PCDHGA9: variants seen among roughly 807,000 people sequenced by gnomAD.
The protein encoded by PCDHGA9 is protocadherin gamma subfamily A, 9, also known as protocadherin gamma-A9.
In PCDHGA9, 37 loss-of-function variants were observed where a neutral mutation model predicts 62.5. The observed-to-expected ratio is 0.59, with a 90% CI of 0.46 to 0.78. The LOEUF is 0.78. Among genes scored for constraint, PCDHGA9 ranks in the 30% least tolerant of loss-of-function variants. The pLI, the probability that PCDHGA9 is intolerant of heterozygous loss-of-function variation, is 0.00. For synonymous variants in PCDHGA9, 459 were observed against 484.6 expected, an observed-to-expected ratio of 0.95 and a Z score of 0.69; for missense variants, 1,138 against 1,166.2, an observed-to-expected ratio of 0.98 and a Z score of 0.35.
Position 141,489,068 on chromosome 5 carries a change from G to GC in PCDHGA9, c.2425-5736dup. ...CTCAAATTCAGCTCCCCTCCCCCCT[G>GC]CCCACCCCCGCCACTCGGTGACTAA... On this transcript the variant is annotated intron_variant, in intron 1 of 3. Transcript: ENST00000573521. The surrounding 1 kb of genome is among the most constrained non-coding windows in gnomAD (Gnocchi z 4.5). 3 of 291,558 alleles carry GC rather than the reference G, an allele frequency of 1.0e-5. No homozygotes were observed. Among genetic ancestry groups the GC allele is most frequent in the Admixed American group, 5.4e-5 (1 of 18,530 alleles). 18.1% of individuals were successfully genotyped at this position (291,558 alleles called of 1,614,324 possible).
In PCDHGA9 at chr5:141,408,993, T is replaced by G. The variant is rs1258002192; in HGVS notation, c.2424+3617T>G. The G allele has an allele frequency of 1.2e-6, 2 of 1,613,814 alleles. No homozygotes were observed. The highest frequency in any genetic ancestry group is 2.7e-5 in the African/African-American group (2 of 74,912). On this transcript the variant is annotated intron_variant, in intron 1 of 3. Transcript: ENST00000573521. Reference sequence around the variant, plus strand: ...CCCCCTGGGTCCCCTGTGTTGCAAGTGACAGCCACTGACCAGGATGAGGGG... The same window carrying G: ...CCCCCTGGGTCCCCTGTGTTGCAAGGGACAGCCACTGACCAGGATGAGGGG...
chr5:141,484,219 C>T (rs766309865), intron 1 of PCDHGA9, among the ~76,000 whole-genome samples: 1 of 152,162 alleles, frequency 6.6e-6, no homozygotes, highest in Non-Finnish European at 1.5e-5. Context: ...TAGCATTCTG[C>T]CAGGTAAAGA....
chr5:141,413,390 C>G, intron 1 of PCDHGA9: 1 of 1,614,010 alleles, frequency 6.2e-7, no homozygotes, highest in Non-Finnish European at 8.5e-7. Context: ...CGCATAGTCT[C>G]CAGAGGTAGG....
Position 141,491,900 on chromosome 5 carries a change from G to A in PCDHGA9, c.2425-2907G>A, listed in dbSNP as rs1268804496. 7.0e-7 allele frequency: 1 copy of A among 1,429,818 alleles called. No individual in the cohort carries two copies. Among genetic ancestry groups the A allele is most frequent in the East Asian group, 2.5e-5 (1 of 39,444 alleles). The allele number at this position is 1,429,818 out of a possible 1,614,324, so 88.6% of individuals were successfully genotyped here. A position where few individuals can be genotyped will look rare whatever the true frequency, so the allele number is the denominator to read the frequency against. ...TAAGGGATGGGGCTCCGAGCACCGGGGGTGGTGGCGACTGTGGGCGAGGGG... is the reference window on the plus strand; with the variant it reads ...TAAGGGATGGGGCTCCGAGCACCGGAGGTGGTGGCGACTGTGGGCGAGGGG... On this transcript the variant is annotated intron_variant, in intron 1 of 3. Coordinates refer to ENST00000573521, the MANE Select transcript of PCDHGA9 (RefSeq NM_018921.3). This position sits in a 1 kb window ranked among gnomAD's most constrained non-coding sequence, Gnocchi z 6.9.
chr5:141,501,288 T>TACAC (rs1562199973), intron 2 of PCDHGA9, among the ~76,000 whole-genome samples: 2 of 81,228 alleles, frequency 2.5e-5, no homozygotes, highest in Admixed American at 1.6e-4. Flanking sequence ...GATATTCCCT[T>TACAC]ATACACACAC....
At chr5:141,418,136 G>C (rs1218707482) in intron 1 of PCDHGA9, 15 of 1,613,984 alleles carry the variant, frequency 9.3e-6, no homozygotes, top group Non-Finnish European at 1.1e-5. Flanking sequence ...AATAGACCGT[G>C]AGCAAATATG....
At chr5:141,418,732 G>A (rs747081573) in intron 1 of PCDHGA9, 1 of 1,613,994 alleles carries the variant, frequency 6.2e-7, no homozygotes, top group Non-Finnish European at 8.5e-7. Flanking sequence ...CTCAGCACGT[G>A]TTCTCTCTGG....
rs2154586748 is a variant in PCDHGA9 at position 141,491,733 on chromosome 5, T to A, written c.2425-3074T>A. The A allele has an allele frequency of 6.2e-7, 1 of 1,602,698 alleles. No individual in the cohort carries two copies. Among genetic ancestry groups the A allele is most frequent in the Non-Finnish European group, 8.5e-7 (1 of 1,175,258 alleles). On this transcript the variant is annotated intron_variant, in intron 1 of 3. Transcript: ENST00000573521. The surrounding 1 kb of genome is among the most constrained non-coding windows in gnomAD (Gnocchi z 6.9). ...GCTCGGCGCCGCCCCGGGCGACCCC[T>A]GGGGGCGGCACTGGAGAAGCCGCCC...
intron 1 of PCDHGA9, among the ~76,000 whole-genome samples, chr5:141,446,448 T>C (rs954515926): frequency 2.6e-5 from 4 of 152,028 alleles, no homozygotes; most frequent in Non-Finnish European, 5.9e-5. Context: ...ACAGTGCAGA[T>C]ATTCAGTGTG....
At chr5:141,435,919 T>C (rs2097786247) in intron 1 of PCDHGA9, among the ~76,000 whole-genome samples, 2 of 152,148 alleles carry the variant, frequency 1.3e-5, no homozygotes, top group South Asian at 4.1e-4. Flanking sequence ...GGCTCTAAAA[T>C]GCGGCAGTTG....
intron 1 of PCDHGA9, among the ~76,000 whole-genome samples, chr5:141,444,885 T>C (rs547403761): frequency 6.6e-6 from 1 of 152,320 alleles, no homozygotes; most frequent in African/African-American, 2.4e-5. Flanking sequence ...TGTAGGATTT[T>C]TGAATGGGAT....
chr5:141,471,394 G>A (rs1349459242), intron 1 of PCDHGA9: 1 of 152,056 alleles, frequency 6.6e-6, no homozygotes, highest in Non-Finnish European at 1.5e-5. Context: ...TACAAGTTAC[G>A]TAGCTAGGCT....
At chr5:141,436,173 A>T (rs556225963) in intron 1 of PCDHGA9, among the ~76,000 whole-genome samples, 1 of 152,302 alleles carries the variant, frequency 6.6e-6, no homozygotes, top group East Asian at 1.9e-4. Context: ...GACAGTTCTC[A>T]TATATAGTCA....
intron 1 of PCDHGA9, among the ~76,000 whole-genome samples, chr5:141,474,263 A>C (rs964712807): frequency 6.6e-6 from 1 of 152,188 alleles, no homozygotes; most frequent in Non-Finnish European, 1.5e-5. Context: ...CTGATAAACC[A>C]GTGTATCTCT....
chr5:141,479,928 C>T (rs1309777916), intron 1 of PCDHGA9, among the ~76,000 whole-genome samples: 1 of 152,222 alleles, frequency 6.6e-6, no homozygotes, highest in African/African-American at 2.4e-5. Flanking sequence ...CTCAGTGCAT[C>T]ATTGCTATCA....
At chr5:141,470,416 A>AT (rs1300623208) in intron 1 of PCDHGA9, among the ~76,000 whole-genome samples, 3 of 152,134 alleles carry the variant, frequency 2.0e-5, no homozygotes, top group African/African-American at 7.2e-5. Flanking sequence ...GATTTTATGT[A>AT]TTTTTTCCTT....
chr5:141,454,356 T>G (rs1461475653), intron 1 of PCDHGA9, among the ~76,000 whole-genome samples: 1 of 152,224 alleles, frequency 6.6e-6, no homozygotes, highest in East Asian at 1.9e-4. Context: ...TGATCCAAAC[T>G]TAGAAAGGAG....
chr5:141,407,958 A>G lies in PCDHGA9; in HGVS notation c.2424+2582A>G, dbSNP rs1018466165. On this transcript the variant is annotated intron_variant, in intron 1 of 3. Transcript: ENST00000573521. ...TGGGCGCCGCTGTCGGCCAGTGCAG[A>G]GCAAGCGCTGACGCCGGGGATCCGT... 5 of 660,632 alleles carry G rather than the reference A, an allele frequency of 7.6e-6. No homozygotes were observed. In the South Asian group the frequency reaches 1.2e-4, roughly 15 times the overall value. 40.9% of individuals were successfully genotyped at this position (660,632 alleles called of 1,614,324 possible).
In PCDHGA9 at chr5:141,482,773, C is replaced by A. The variant is rs2009076; in HGVS notation, c.2425-12034C>A. ...ATTATGGTATTTCATTATCACTGAA[C>A]CTTAAACTGTGTGTGTGGCCGGGTA... On this transcript the variant is annotated intron_variant, in intron 1 of 3. Coordinates refer to ENST00000573521, the MANE Select transcript of PCDHGA9 (RefSeq NM_018921.3). 9.1e-3 allele frequency among the ~76,000 whole-genome samples: 1,158 copies of A among 127,768 alleles called. 29 individuals carry two copies. Among genetic ancestry groups the A allele is most frequent in the Middle Eastern group, 0.013 (3 of 228 alleles). 83.8% of individuals were successfully genotyped at this position (127,768 alleles called of 152,430 possible). A position where few individuals can be genotyped will look rare whatever the true frequency, so the allele number is the denominator to read the frequency against.
Sources: gnomAD v4.1 joint callset for allele counts (sites outside exome capture counted in the v4.1 genomes callset) on GRCh38, gnomAD v4.1.1 for gene constraint, Gnocchi (gnomAD v3.1) non-coding constraint, MANE v1.5 for transcripts, NCBI Gene and HGNC (gene_info 2026-07-23, HGNC 2026-07-21) for gene names.